The following ARF3 variants were observed in gnomAD, a reference collection of about 807,000 sequenced individuals.
ARF3 encodes the protein ADP-ribosylation factor 3.
A neutral mutation model predicts 19.3 loss-of-function variants in ARF3; 5 were observed. That is an observed-to-expected ratio of 0.26 (90% CI 0.14 to 0.54). ARF3 has a LOEUF of 0.54. Ranked by LOEUF, ARF3 falls within the 20% of genes least tolerant of loss-of-function variation. ARF3 has a pLI of 0.95. For missense variants in ARF3, 77 were observed against 234.2 expected, an observed-to-expected ratio of 0.33 and a Z score of 4.38; for synonymous variants, 71 against 89.2, an observed-to-expected ratio of 0.80 and a Z score of 1.15.
rs1030971620 is a variant in ARF3 at position 48,935,820 on chromosome 12, G to A, written c.*3127C>T. On this transcript the variant is annotated 3_prime_UTR_variant, in exon 5 of 5. Coordinates refer to ENST00000256682, the MANE Select transcript of ARF3 (RefSeq NM_001659.3). ...AGAAGCACCTCATGTGCAAGGCTGAGGAGATCTGAGAGTAGAGGCACATGG... is the reference window on the plus strand; with the variant it reads ...AGAAGCACCTCATGTGCAAGGCTGAAGAGATCTGAGAGTAGAGGCACATGG... The A allele has an allele frequency of 8.5e-5, 13 of 152,352 alleles. No individual in the cohort carries two copies. The highest frequency in any genetic ancestry group is 3.4e-3 in the Middle Eastern group (1 of 294). 9.4% of individuals were successfully genotyped at this position (152,352 alleles called of 1,614,324 possible).
chr12:48,944,053 A>G (rs1451095302), intron 1 of ARF3, among the ~76,000 whole-genome samples: 1 of 152,010 alleles, frequency 6.6e-6, no homozygotes, highest in African/African-American at 2.4e-5. Context: ...TGAAATTTAA[A>G]CCTTTCCCAA....
intron 1 of ARF3, among the ~76,000 whole-genome samples, chr12:48,945,210 T>G (rs1310974091): frequency 6.8e-6 from 1 of 147,830 alleles, no homozygotes; most frequent in East Asian, 2.0e-4. Flanking sequence ...TTTGGGAGGC[T>G]GAGGTGGGTG....
Position 48,938,580 on chromosome 12 carries a change from G to A in ARF3, c.*367C>T. 3 of 460,928 alleles carry A rather than the reference G, an allele frequency of 6.5e-6. No homozygotes were observed. Among genetic ancestry groups the A allele is most frequent in the Non-Finnish European group, 4.3e-6 (1 of 230,364 alleles). The allele number at this position is 460,928 out of a possible 1,614,324, so 28.6% of individuals were successfully genotyped here. ...AAACAGGGAGTAGAAGGGCTTGTGGGGACAGGGAAAGGACTCAGATGCCAA... is the reference window on the plus strand; with the variant it reads ...AAACAGGGAGTAGAAGGGCTTGTGGAGACAGGGAAAGGACTCAGATGCCAA... On this transcript the variant is annotated 3_prime_UTR_variant, in exon 5 of 5. Transcript: ENST00000256682.
At chr12:48,943,696 A>G (rs1052401763) in intron 1 of ARF3, among the ~76,000 whole-genome samples, 4 of 152,184 alleles carry the variant, frequency 2.6e-5, no homozygotes, top group Non-Finnish European at 5.9e-5. Flanking sequence ...CCAAAGTACT[A>G]GTTTGTCCGA....
chr12:48,941,801 T>A (rs1176586198), intron 1 of ARF3, among the ~76,000 whole-genome samples: 1 of 152,234 alleles, frequency 6.6e-6, no homozygotes. Context: ...TTACACTCTG[T>A]GGAATGCCAG....
intron 1 of ARF3, among the ~76,000 whole-genome samples, chr12:48,946,351 T>C (rs1484509270): frequency 3.3e-5 from 5 of 152,192 alleles, no homozygotes; most frequent in South Asian, 4.1e-4. Flanking sequence ...AAACAAACCA[T>C]GAATTGTTTC....
intron 1 of ARF3, among the ~76,000 whole-genome samples, chr12:48,946,785 T>G (rs1940365670): frequency 6.6e-6 from 1 of 152,234 alleles, no homozygotes; most frequent in Admixed American, 6.5e-5. Flanking sequence ...CTTACATATG[T>G]TGCAGGAACG....
At chr12:48,940,439 A>C (rs1940232477) in intron 2 of ARF3, among the ~76,000 whole-genome samples, 1 of 152,208 alleles carries the variant, frequency 6.6e-6, no homozygotes, top group African/African-American at 2.4e-5. Context: ...TGGCTACCAG[A>C]GTCGGCCTCA....
At chr12:48,943,800 G>A (rs549009908) in intron 1 of ARF3, among the ~76,000 whole-genome samples, 1 of 152,256 alleles carries the variant, frequency 6.6e-6, no homozygotes, top group South Asian at 2.1e-4. Flanking sequence ...CTCTCAGTAG[G>A]TTCCCCAGAT....
chr12:48,952,502 T>A (rs1940488682), intron 1 of ARF3, among the ~76,000 whole-genome samples: 1 of 152,254 alleles, frequency 6.6e-6, no homozygotes, highest in African/African-American at 2.4e-5. Context: ...TCTATGGCTG[T>A]ACCAATCCAA....
chr12:48,955,782 A>C (rs1402262346), intron 1 of ARF3: 1 of 152,250 alleles, frequency 6.6e-6, no homozygotes, highest in Non-Finnish European at 1.5e-5. Context: ...CAAGATAGAC[A>C]ACTATAAAAA....
Position 48,938,850 on chromosome 12 carries a change from G to A in ARF3, c.*97C>T. 6.7e-7 allele frequency: 1 copy of A among 1,489,280 alleles called. No homozygotes were observed. The highest frequency in any genetic ancestry group is 9.1e-7 in the Non-Finnish European group (1 of 1,101,608). 92.3% of individuals were successfully genotyped at this position (1,489,280 alleles called of 1,614,324 possible). On this transcript the variant is annotated 3_prime_UTR_variant, in exon 5 of 5. Coordinates refer to ENST00000256682, the MANE Select transcript of ARF3 (RefSeq NM_001659.3). The stretch of plus-strand genomic sequence containing the variant: ...ATGTGGACATGATACCCAGGGCCCT[G>A]GCCACACTTGCATGGAGAGGAAGGG...
At chr12:48,955,704 G>C (rs1940551365) in intron 1 of ARF3, 1 of 152,184 alleles carries the variant, frequency 6.6e-6, no homozygotes, top group Non-Finnish European at 1.5e-5. Flanking sequence ...CTGTTTGCAT[G>C]GGCATTGTGG....
intron 1 of ARF3, among the ~76,000 whole-genome samples, chr12:48,955,277 C>T (rs1028952948): frequency 1.1e-4 from 17 of 152,218 alleles, no homozygotes; most frequent in African/African-American, 4.1e-4. Context: ...CTACCATTCA[C>T]TGGTACCAAT....
At chr12:48,948,115 G>C (rs114358002) in intron 1 of ARF3, among the ~76,000 whole-genome samples, 3,447 of 151,424 alleles carry the variant, frequency 0.023, 138 homozygotes, top group African/African-American at 0.078. Flanking sequence ...TGAGACAAGA[G>C]AATCACCTGA....
intron 1 of ARF3, among the ~76,000 whole-genome samples, chr12:48,949,761 T>C (rs2453063): frequency 0.57 from 86,190 of 151,404 alleles, 24,746 homozygotes; most frequent in South Asian, 0.75. Context: ...CCCAGGCTGG[T>C]CTCGAACTCC....
chr12:48,938,488 G>A lies in ARF3; in HGVS notation c.*459C>T. 2.2e-6 allele frequency: 1 copy of A among 447,906 alleles called. No individual in the cohort carries two copies. The highest frequency in any genetic ancestry group is 1.6e-5 in the South Asian group (1 of 63,968). The allele number at this position is 447,906 out of a possible 1,614,324, so 27.7% of individuals were successfully genotyped here. A position where few individuals can be genotyped will look rare whatever the true frequency, so the allele number is the denominator to read the frequency against. ...TACATGTATATACAGGCGCACACAT[G>A]CACGCAAACACAGAGAGGCCCGTGC... On this transcript the variant is annotated 3_prime_UTR_variant, in exon 5 of 5. Transcript: ENST00000256682.
In ARF3 at chr12:48,939,653, A is replaced by G; in HGVS notation, c.384+2T>C. ...AAATTCAGGGGTGGGAAGAAGTCTCACCTGTTTGTTTGCAAAGACAAGGAG... is the reference window on the plus strand; with the variant it reads ...AAATTCAGGGGTGGGAAGAAGTCTCGCCTGTTTGTTTGCAAAGACAAGGAG... On this transcript the variant is annotated splice_donor_variant, in intron 4 of 4. Coordinates refer to ENST00000256682, the MANE Select transcript of ARF3 (RefSeq NM_001659.3). LOFTEE classifies it high-confidence loss of function. This position sits in a 1 kb window ranked among gnomAD's most constrained non-coding sequence, Gnocchi z 4.8. 1 of 1,614,094 alleles carries G rather than the reference A, an allele frequency of 6.2e-7. No individual in the cohort carries two copies. Among genetic ancestry groups the G allele is most frequent in the Non-Finnish European group, 8.5e-7 (1 of 1,180,006 alleles).
In ARF3 at chr12:48,936,465, G is replaced by C. The variant is rs1940142946; in HGVS notation, c.*2482C>G. The C allele has an allele frequency of 6.6e-6, 1 of 152,606 alleles. No individual in the cohort carries two copies. Among genetic ancestry groups the C allele is most frequent in the Non-Finnish European group, 1.5e-5 (1 of 68,050 alleles). The allele number at this position is 152,606 out of a possible 1,614,324, so 9.5% of individuals were successfully genotyped here. A position where few individuals can be genotyped will look rare whatever the true frequency, so the allele number is the denominator to read the frequency against. ...AGAGGAGAGGGAGTGGGCAGAAATG[G>C]AATGAAACACCCAATCCCAAAAGAG... On this transcript the variant is annotated 3_prime_UTR_variant, in exon 5 of 5. Coordinates refer to ENST00000256682, the MANE Select transcript of ARF3 (RefSeq NM_001659.3).
Sources: allele counts gnomAD v4.1 joint callset (sites outside exome capture counted in the v4.1 genomes callset), GRCh38; gene constraint gnomAD v4.1.1; non-coding constraint Gnocchi (gnomAD v3.1); transcripts MANE v1.5; gene names NCBI Gene and HGNC (gene_info 2026-07-23, HGNC 2026-07-21).